The following ANKRD62 variants were observed in gnomAD, a reference collection of about 807,000 sequenced individuals.
ANKRD62 encodes the protein ankyrin repeat domain-containing protein 62.
In ANKRD62, 61 loss-of-function variants were observed where a neutral mutation model predicts 98.8. That is an observed-to-expected ratio of 0.62 (90% confidence interval 0.50 to 0.76). ANKRD62 has a LOEUF of 0.76. Among genes scored for constraint, ANKRD62 ranks in the 30% least tolerant of loss-of-function variants. The pLI is 0.00. For missense variants in ANKRD62, 933 were observed against 1,082.9 expected (o/e 0.86, Z 1.94); for synonymous variants, 341 against 367.9 (o/e 0.93, Z 0.84).
At chr18:12,112,392 T>C (rs1909562466) in intron 8 of ANKRD62, among the ~76,000 whole-genome samples, 2 of 152,000 alleles carry the variant, frequency 1.3e-5, no homozygotes, top group Admixed American at 1.3e-4. Context: ...TTGAACAGAA[T>C]AGAGAACCCA....
chr18:12,131,927 C>T (rs1910011970), downstream of ANKRD62, among the ~76,000 whole-genome samples: 1 of 152,016 alleles, frequency 6.6e-6, no homozygotes, highest in Non-Finnish European at 1.5e-5. Flanking sequence ...AGAGTTACTG[C>T]ACATTTCTGT....
At chr18:12,114,960 C>G in intron 8 of ANKRD62, 128 bp from the exon 9 acceptor site, 1 of 747,490 alleles carries the variant, frequency 1.3e-6, no homozygotes, top group Non-Finnish European at 1.9e-6. Flanking sequence ...AAAACATTAC[C>G]TGTAAACATT....
chr18:12,158,747 C>T, the ANKRD62 span, among the ~76,000 whole-genome samples: 22 of 149,952 alleles, frequency 1.5e-4, no homozygotes, highest in Non-Finnish European at 2.4e-4. Context: ...TGTTAGCCAG[C>T]GTGGTCTCGA....
chr18:12,112,143 C>T (rs1034612012), intron 8 of ANKRD62, among the ~76,000 whole-genome samples: 2 of 151,412 alleles, frequency 1.3e-5, no homozygotes, highest in Admixed American at 6.6e-5. Flanking sequence ...AGTCATACTG[C>T]CCAAAGCATT....
chr18:12,101,477 T>G (rs979161923), intron 6 of ANKRD62, among the ~76,000 whole-genome samples: 1 of 152,242 alleles, frequency 6.6e-6, no homozygotes, highest in African/African-American at 2.4e-5. Flanking sequence ...GATATCAGCA[T>G]TTCCTAATTT....
At position 12,127,865 on chromosome 18, in the gene ANKRD62, A is replaced by G. The variant is rs1377432449; in HGVS notation, c.2680A>G (p.Ser894Gly). 1 of 1,525,602 alleles carries G rather than the reference A, an allele frequency of 6.6e-7. No individual in the cohort carries two copies. The highest frequency in any genetic ancestry group is 8.8e-7 in the Non-Finnish European group (1 of 1,142,754). 94.5% of individuals were successfully genotyped at this position (1,525,602 alleles called of 1,614,324 possible). ...RRINLEDEAQ[S>G]LKKKLGQMRS... ...TATTAATTTAGAAGATGAGGCACAA[A>G]GTTTAAAAAAGAAATTAGGCCAGAT... The change falls in exon 14 of 14, where the codon AGT becomes GGT. Residue 894 changes from serine to glycine, a missense_variant. Physicochemically the swap from Ser to Gly is moderately conservative, Grantham distance 56. Transcript: ENST00000587848.
chr18:12,138,177 G>T, the ANKRD62 span, among the ~76,000 whole-genome samples: 8 of 152,128 alleles, frequency 5.3e-5, no homozygotes, highest in East Asian at 1.4e-3. Flanking sequence ...TCTCTTGTGG[G>T]CATTTAGTGC....
chr18:12,150,396 A>G, the ANKRD62 span, among the ~76,000 whole-genome samples: 1 of 152,248 alleles, frequency 6.6e-6, no homozygotes, highest in African/African-American at 2.4e-5. Context: ...TATATTGTCT[A>G]TGACAACTTC....
intron 5 of ANKRD62, 46 bp downstream of exon 5, chr18:12,097,823 C>A (rs1297375584): frequency 2.6e-6 from 4 of 1,518,444 alleles, no homozygotes; most frequent in Admixed American, 2.1e-5. Context: ...GGTTTAAAGT[C>A]ATTGTAACCA....
the ANKRD62 span, among the ~76,000 whole-genome samples, chr18:12,154,637 T>G: frequency 6.6e-6 from 1 of 152,144 alleles, no homozygotes; most frequent in African/African-American, 2.4e-5. Flanking sequence ...CAGAGAAATA[T>G]AAAGCATTCT....
At chr18:12,140,581 T>TAA in the ANKRD62 span, among the ~76,000 whole-genome samples, 1 of 152,228 alleles carries the variant, frequency 6.6e-6, no homozygotes, top group Non-Finnish European at 1.5e-5. Context: ...GACCCTCAGC[T>TAA]GCAGGTCTGT....
chr18:12,140,073 TC>T, the ANKRD62 span, among the ~76,000 whole-genome samples: 948 of 152,318 alleles, frequency 6.2e-3, 9 homozygotes, highest in African/African-American at 0.022. Context: ...TCTAAACTTT[TC>T]TTCACGCTTC....
chr18:12,144,929 A>T, the ANKRD62 span, among the ~76,000 whole-genome samples: 1 of 138,566 alleles, frequency 7.2e-6, no homozygotes, highest in Non-Finnish European at 1.6e-5. Context: ...GGATCGTTTG[A>T]GATCAGGAGT....
At chr18:12,150,146 A>G in the ANKRD62 span, among the ~76,000 whole-genome samples, 18 of 150,328 alleles carry the variant, frequency 1.2e-4, no homozygotes, top group African/African-American at 3.2e-4. Flanking sequence ...CAATACAAGA[A>G]TTTCACAATG....
chr18:12,181,161 A>G, the ANKRD62 span, among the ~76,000 whole-genome samples: 1 of 152,076 alleles, frequency 6.6e-6, no homozygotes, highest in Non-Finnish European at 1.5e-5. Context: ...GCAATTAAAT[A>G]AAATGGCAGC....
the ANKRD62 span, among the ~76,000 whole-genome samples, chr18:12,150,475 A>T: frequency 6.6e-6 from 1 of 152,170 alleles, no homozygotes; most frequent in Non-Finnish European, 1.5e-5. Context: ...TTACACACGA[A>T]TACCATCCCC....
chr18:12,163,446 A>G, the ANKRD62 span, among the ~76,000 whole-genome samples: 1 of 152,122 alleles, frequency 6.6e-6, no homozygotes, highest in Admixed American at 6.5e-5. Context: ...AGATCATATC[A>G]TCTACAAATA....
At position 12,129,056 on chromosome 18, in the gene ANKRD62, G is replaced by A. The variant is rs1349916386; in HGVS notation, c.*1117G>A. On this transcript the variant is annotated 3_prime_UTR_variant, in exon 14 of 14. Coordinates refer to ENST00000587848, the MANE Select transcript of ANKRD62 (RefSeq NM_001277333.2). ...CACTCCAGCCTGGGTGGCTGAGCAA[G>A]ACTCCGTCTTAAAAAAAAAAAAGTG... The A allele has an allele frequency of 6.6e-6, 1 of 151,316 alleles. No individual in the cohort carries two copies. The highest frequency in any genetic ancestry group is 1.5e-5 in the Non-Finnish European group (1 of 67,944). 9.4% of individuals were successfully genotyped at this position (151,316 alleles called of 1,614,324 possible). A position where few individuals can be genotyped will look rare whatever the true frequency, so the allele number is the denominator to read the frequency against.
intron 8 of ANKRD62, among the ~76,000 whole-genome samples, chr18:12,112,943 T>C (rs1427693497): frequency 2.0e-5 from 3 of 152,204 alleles, no homozygotes; most frequent in Non-Finnish European, 4.4e-5. Context: ...TCTCCCAGGC[T>C]GGAGTGCAGT....
Sources: allele counts gnomAD v4.1 joint callset (sites outside exome capture counted in the v4.1 genomes callset), GRCh38; gene constraint gnomAD v4.1.1; transcripts MANE v1.5; gene names NCBI Gene and HGNC (gene_info 2026-07-23, HGNC 2026-07-21).